The following PDE2A variants were observed in gnomAD, a reference collection of about 807,000 sequenced individuals.
The protein encoded by PDE2A is cGMP-dependent 3',5'-cyclic phosphodiesterase.
PDE2A carries 53 observed loss-of-function variants against 133.6 expected under a neutral mutation model. The observed-to-expected ratio is 0.40, with a 90% CI of 0.32 to 0.50. The LOEUF (loss-of-function observed/expected upper bound fraction) is 0.50, where lower values mean the gene tolerates loss of function less well. Ranked by LOEUF, PDE2A falls within the 20% of genes least tolerant of loss-of-function variation. PDE2A has a pLI of 0.73. For synonymous variants in PDE2A, 491 were observed against 490.2 expected (o/e 1.00, Z -0.02); for missense variants, 796 against 1,232.4 (o/e 0.65, Z 5.30).
intron 13 of PDE2A, among the ~76,000 whole-genome samples, chr11:72,587,036 A>G (rs1481899656): frequency 6.6e-6 from 1 of 152,186 alleles, no homozygotes; most frequent in East Asian, 1.9e-4. Flanking sequence ...CTTCAGCCAC[A>G]CAAAGATCCT....
chr11:72,657,802 C>A (rs1198890264), intron 1 of PDE2A: 1 of 454,548 alleles, frequency 2.2e-6, no homozygotes, highest in Non-Finnish European at 4.4e-6. Flanking sequence ...CCTCCCAACA[C>A]CCTGGTAAAA....
At chr11:72,658,183 C>T (rs1203893625) in intron 1 of PDE2A, 8 of 452,646 alleles carry the variant, frequency 1.8e-5, no homozygotes, top group Admixed American at 2.4e-5. Flanking sequence ...CCCGACTTAT[C>T]GCTGCCTTCT....
At chr11:72,599,453 A>G (rs995733652) in intron 4 of PDE2A, among the ~76,000 whole-genome samples, 1 of 152,060 alleles carries the variant, frequency 6.6e-6, no homozygotes, top group South Asian at 2.1e-4. Context: ...ACCATCCACC[A>G]GGTCCTTCAC....
chr11:72,602,686 A>C (rs1856810167), intron 4 of PDE2A, among the ~76,000 whole-genome samples: 2 of 152,218 alleles, frequency 1.3e-5, no homozygotes, highest in African/African-American at 4.8e-5. Flanking sequence ...AGTAGCAATC[A>C]CTGAGCTCCT....
At chr11:72,660,810 G>A (rs148300186) in intron 1 of PDE2A, among the ~76,000 whole-genome samples, 7 of 152,058 alleles carry the variant, frequency 4.6e-5, no homozygotes, top group East Asian at 3.9e-4. Flanking sequence ...TTCACTGCAC[G>A]TAGAAGTAGG....
chr11:72,596,894 T>C lies in PDE2A; in HGVS notation c.434-246A>G, dbSNP rs143358121. ...CAACCTTCTTGTGATCCTCCCAGGG[T>C]TGCAGGGAGGAAGGCAGGTGAGGCT... On this transcript the variant is annotated intron_variant, in intron 5 of 30. Coordinates refer to ENST00000334456, the MANE Select transcript of PDE2A (RefSeq NM_002599.5). Among the ~76,000 whole-genome samples, 717 of 151,984 alleles carry C rather than the reference T, an allele frequency of 4.7e-3. 4 individuals carry two copies. The highest frequency in any genetic ancestry group is 0.017 in the African/African-American group (684 of 41,422).
chr11:72,667,279 C>G (rs770270482), intron 1 of PDE2A, among the ~76,000 whole-genome samples: 3 of 152,188 alleles, frequency 2.0e-5, no homozygotes, highest in Non-Finnish European at 4.4e-5. Flanking sequence ...GCAATATCCC[C>G]AGCACCTCAG....
At chr11:72,654,593 C>A (rs1267467575) in intron 1 of PDE2A, among the ~76,000 whole-genome samples, 1 of 152,054 alleles carries the variant, frequency 6.6e-6, no homozygotes, top group Non-Finnish European at 1.5e-5. Context: ...CATCTCTCCC[C>A]TCATCAGGAT....
rs369823766 is a variant in PDE2A, at chr11:72,591,227, C to G, written c.549+70G>C. The G allele has an allele frequency of 5.6e-5, 74 of 1,318,430 alleles. 1 individual carries two copies. The Middle Eastern group carries it at 1.5e-3, about 26-fold the overall frequency. The allele number at this position is 1,318,430 out of a possible 1,614,324, so 81.7% of individuals were successfully genotyped here. The stretch of plus-strand genomic sequence containing the variant: ...AACCCAGGTCTGTCCAGCTCCCTGG[C>G]CAGGCCATCTTCCCACCAGCTGTGA... On this transcript the variant is annotated intron_variant, in intron 7 of 30. Coordinates refer to ENST00000334456, the MANE Select transcript of PDE2A (RefSeq NM_002599.5).
chr11:72,671,610 G>A (rs1035826586), intron 1 of PDE2A, among the ~76,000 whole-genome samples: 1 of 152,138 alleles, frequency 6.6e-6, no homozygotes, highest in African/African-American at 2.4e-5. Flanking sequence ...TGGGCAGGGG[G>A]AATGACTGCG....
intron 3 of PDE2A, among the ~76,000 whole-genome samples, chr11:72,605,477 C>T (rs1267114642): frequency 1.3e-5 from 2 of 152,228 alleles, no homozygotes; most frequent in African/African-American, 4.8e-5. Flanking sequence ...GAACCTATGA[C>T]CTTTTTTACC....
At chr11:72,600,640 C>G (rs185067673) in intron 4 of PDE2A, among the ~76,000 whole-genome samples, 1 of 152,284 alleles carries the variant, frequency 6.6e-6, no homozygotes, top group African/African-American at 2.4e-5. Flanking sequence ...CTCAGACCCC[C>G]GATAGCTCCT....
chr11:72,585,525 C>T (rs570775924), intron 15 of PDE2A, 29 bp downstream of exon 15: 8 of 1,613,732 alleles, frequency 5.0e-6, no homozygotes, highest in South Asian at 2.2e-5. Flanking sequence ...TGCCCACACA[C>T]AGCCAGGCAG....
chr11:72,663,346 CG>C (rs1230635115), intron 1 of PDE2A, among the ~76,000 whole-genome samples: 1 of 152,158 alleles, frequency 6.6e-6, no homozygotes, highest in Non-Finnish European at 1.5e-5. Context: ...AGATACAGAG[CG>C]CGGTGATCAC....
chr11:72,671,894 G>A (rs764522578), intron 1 of PDE2A, among the ~76,000 whole-genome samples: 5 of 152,032 alleles, frequency 3.3e-5, no homozygotes, highest in East Asian at 1.9e-4. Context: ...GCCCACCCAC[G>A]CCCAGCTTTC....
chr11:72,610,190 C>A (rs1041849903), intron 2 of PDE2A, among the ~76,000 whole-genome samples: 1 of 152,138 alleles, frequency 6.6e-6, no homozygotes, highest in African/African-American at 2.4e-5. Context: ...ATCTCTCAGA[C>A]CCTCCTAGAT....
rs529758654 is a variant in PDE2A at position 72,615,174 on chromosome 11, G to A, written c.145-6423C>T. The A allele has an allele frequency of 4.6e-4, 205 of 448,692 alleles. 1 individual carries two copies. The highest frequency in any genetic ancestry group is 5.5e-4 in the Non-Finnish European group (110 of 199,468). 27.8% of individuals were successfully genotyped at this position (448,692 alleles called of 1,614,324 possible). A position where few individuals can be genotyped will look rare whatever the true frequency, so the allele number is the denominator to read the frequency against. ...CTCCCAAGGGTGTCCCCATCCACAG[G>A]AGCCTGACCCCACACTGTTGGCTCC... On this transcript the variant is annotated intron_variant, in intron 2 of 30. Coordinates refer to ENST00000334456, the MANE Select transcript of PDE2A (RefSeq NM_002599.5).
chr11:72,665,035 A>G (rs1311871097), intron 1 of PDE2A, among the ~76,000 whole-genome samples: 3 of 150,642 alleles, frequency 2.0e-5, no homozygotes, highest in Non-Finnish European at 4.4e-5. Flanking sequence ...TGAACTCCCA[A>G]CCTCAGGTGA....
At chr11:72,606,874 C>T (rs1205447592) in intron 3 of PDE2A, among the ~76,000 whole-genome samples, 1 of 152,184 alleles carries the variant, frequency 6.6e-6, no homozygotes, top group African/African-American at 2.4e-5. Context: ...TACTCTCAGC[C>T]CTCTGGGTTA....
Sources: gnomAD v4.1 joint callset for allele counts (sites outside exome capture counted in the v4.1 genomes callset) on GRCh38, gnomAD v4.1.1 for gene constraint, MANE v1.5 for transcripts, NCBI Gene and HGNC (gene_info 2026-07-23, HGNC 2026-07-21) for gene names.